The following PTPRK variants were observed in gnomAD, a reference collection of about 807,000 sequenced individuals.
The protein encoded by PTPRK is receptor-type tyrosine-protein phosphatase kappa.
In PTPRK, 75 loss-of-function variants were observed where a neutral mutation model predicts 178.0. The ratio of observed to expected loss-of-function variants is 0.42; its 90% CI spans 0.35 to 0.51. The LOEUF is 0.51. Ranked by LOEUF, PTPRK falls within the 20% of genes least tolerant of loss-of-function variation. The pLI, the probability that PTPRK is intolerant of heterozygous loss-of-function variation, is 0.02. For synonymous variants in PTPRK, 637 were observed against 620.6 expected (o/e 1.03, Z -0.39); for missense variants, 1,441 against 1,797.8 (o/e 0.80, Z 3.59).
At chr6:128,177,365 G>C (rs1801227216) in intron 7 of PTPRK, among the ~76,000 whole-genome samples, 1 of 151,726 alleles carries the variant, frequency 6.6e-6, no homozygotes, top group Non-Finnish European at 1.5e-5. Flanking sequence ...TCATGAGACT[G>C]ATGCTGTTAT....
chr6:128,077,922 A>G (rs941559289), intron 11 of PTPRK, among the ~76,000 whole-genome samples: 1 of 152,014 alleles, frequency 6.6e-6, no homozygotes, highest in African/African-American at 2.4e-5. Flanking sequence ...TTACTCTGGA[A>G]TACTTGATAA....
intron 1 of PTPRK, among the ~76,000 whole-genome samples, chr6:128,470,330 C>T (rs1328685402): frequency 1.3e-5 from 2 of 151,250 alleles, no homozygotes; most frequent in African/African-American, 4.9e-5. Flanking sequence ...GTTTTTGTGT[C>T]CTGAATGCTA....
intron 15 of PTPRK, among the ~76,000 whole-genome samples, chr6:128,000,958 G>A (rs1777767963): frequency 6.6e-6 from 1 of 151,998 alleles, no homozygotes; most frequent in Non-Finnish European, 1.5e-5. Flanking sequence ...AAAATAGACA[G>A]TGCCTTTTGT....
intron 7 of PTPRK, among the ~76,000 whole-genome samples, chr6:128,168,554 C>T (rs184105426): frequency 1.9e-4 from 29 of 152,094 alleles, no homozygotes; most frequent in African/African-American, 4.8e-4. Context: ...AATCACCACC[C>T]GAGCACCACC....
rs542477714 is a variant in PTPRK at position 128,454,416 on chromosome 6, G to A, written c.101-56728C>T. On this transcript the variant is annotated intron_variant, in intron 1 of 29. Coordinates refer to ENST00000368226, the MANE Select transcript of PTPRK (RefSeq NM_002844.4). ...ATAATGAAACATCTCAAATACACAG[G>A]CTTTAGGCCAGGCTAATGCTAACCA... 3.9e-5 allele frequency among the ~76,000 whole-genome samples: 6 copies of A among 152,190 alleles called. No individual in the cohort carries two copies. In the East Asian group the frequency reaches 1.2e-3, roughly 29 times the overall value.
intron 8 of PTPRK, among the ~76,000 whole-genome samples, chr6:128,088,893 T>A (rs1786424599): frequency 1.3e-5 from 2 of 152,346 alleles, no homozygotes; most frequent in South Asian, 4.1e-4. Flanking sequence ...GAACTGTTGC[T>A]TGCTTTTATA....
intron 7 of PTPRK, among the ~76,000 whole-genome samples, chr6:128,168,531 GAA>G (rs1799743445): frequency 6.6e-6 from 1 of 152,026 alleles, no homozygotes; most frequent in African/African-American, 2.4e-5. Context: ...GAGGTGAGCG[GAA>G]GGCAAGGGAG....
At chr6:128,333,571 C>T (rs913607001) in intron 2 of PTPRK, among the ~76,000 whole-genome samples, 1 of 151,910 alleles carries the variant, frequency 6.6e-6, no homozygotes, top group Non-Finnish European at 1.5e-5. Context: ...ATCATCTGAG[C>T]CTTCAGCAAG....
chr6:128,048,952 G>A (rs928032556), intron 13 of PTPRK, among the ~76,000 whole-genome samples: 2 of 151,500 alleles, frequency 1.3e-5, no homozygotes, highest in Non-Finnish European at 2.9e-5. Context: ...CTATCCCCAG[G>A]GCCTACAACA....
At chr6:128,049,774 G>A (rs1295263302) in intron 13 of PTPRK, among the ~76,000 whole-genome samples, 3 of 152,112 alleles carry the variant, frequency 2.0e-5, no homozygotes, top group African/African-American at 7.2e-5. Flanking sequence ...AAAATTCTTA[G>A]CTGCTAATTT....
chr6:128,306,849 C>T (rs2128314211), intron 3 of PTPRK, among the ~76,000 whole-genome samples: 1 of 152,068 alleles, frequency 6.6e-6, no homozygotes, highest in Admixed American at 6.6e-5. Context: ...AAAATTAATA[C>T]TAATATGGTG....
At chr6:128,046,436 T>G (rs1187360320) in intron 13 of PTPRK, among the ~76,000 whole-genome samples, 2 of 152,082 alleles carry the variant, frequency 1.3e-5, no homozygotes, top group Non-Finnish European at 2.9e-5. Context: ...TTCCCCAGGC[T>G]AATTCCATCC....
intron 7 of PTPRK, among the ~76,000 whole-genome samples, chr6:128,125,168 G>T (rs1050129118): frequency 6.6e-6 from 1 of 152,116 alleles, no homozygotes; most frequent in African/African-American, 2.4e-5. Context: ...TAATTCTTCA[G>T]ACTTGGTGAT....
At chr6:128,230,234 G>A (rs1009909839) in intron 5 of PTPRK, among the ~76,000 whole-genome samples, 5 of 152,152 alleles carry the variant, frequency 3.3e-5, no homozygotes, top group African/African-American at 1.2e-4. Context: ...AATGTGGACA[G>A]GGGAAGCTAG....
chr6:127,973,786 T>C lies in PTPRK; in HGVS notation c.4011A>G (p.Leu1337=). The C allele has an allele frequency of 6.2e-7, 1 of 1,614,082 alleles. No homozygotes were observed. Among genetic ancestry groups the C allele is most frequent in the Non-Finnish European group, 8.5e-7 (1 of 1,179,932 alleles). ...GYLMVQQFQY[L]GWASHREVPG... ...GCACTTCTCGATGAGAAGCCCATCCTAGGTACTGAAACTGTTGCACCATCA... is the reference window on the plus strand; with the variant it reads ...GCACTTCTCGATGAGAAGCCCATCCCAGGTACTGAAACTGTTGCACCATCA... The change falls in exon 28 of 30, where the codon CTA becomes CTG. Residue 1337 remains leucine, a synonymous_variant. Coordinates refer to ENST00000368226, the MANE Select transcript of PTPRK (RefSeq NM_002844.4).
At chr6:128,153,753 T>C (rs1354037472) in intron 7 of PTPRK, among the ~76,000 whole-genome samples, 1 of 151,952 alleles carries the variant, frequency 6.6e-6, no homozygotes, top group Non-Finnish European at 1.5e-5. Context: ...ACCTGCTAAA[T>C]AAAAACATGA....
chr6:128,103,580 C>A (rs974691826), intron 7 of PTPRK, among the ~76,000 whole-genome samples: 1 of 152,124 alleles, frequency 6.6e-6, no homozygotes, highest in Non-Finnish European at 1.5e-5. Context: ...AACAGGTGAG[C>A]CACACCCCTG....
In PTPRK at chr6:128,219,033, C is replaced by A; in HGVS notation, c.757G>T (p.Ala253Ser). Residue 253 changes from alanine to serine, a missense_variant, in exon 6 of 30, where the codon GCT becomes TCT. Around this residue, in one of 4 missense-constraint regions of PTPRK, gnomAD observed 945 missense variants for 1,080.6 expected, o/e 0.87. Coordinates refer to ENST00000368226, the MANE Select transcript of PTPRK (RefSeq NM_002844.4). ...TKNINHRRFA[A>S]SFRLQEVTKT... ...GTCACTTCTTGCAATCTGAAGGAAG[C>A]GGCAAACCTTCTATGATTGATGTTC... 1 of 1,613,736 alleles carries A rather than the reference C, an allele frequency of 6.2e-7. No individual in the cohort carries two copies. The highest frequency in any genetic ancestry group is 1.3e-5 in the African/African-American group (1 of 75,034).
At chr6:128,202,308 C>T (rs114738309) in intron 6 of PTPRK, among the ~76,000 whole-genome samples, 3,914 of 152,272 alleles carry the variant, frequency 0.026, 105 homozygotes, top group African/African-American at 0.07. Context: ...GGGGAAACCA[C>T]GCTTCTCCCG....
Sources: gnomAD v4.1 joint callset for allele counts (sites outside exome capture counted in the v4.1 genomes callset) on GRCh38, gnomAD v4.1.1 for gene constraint, gnomAD v4.1.1 regional missense constraint, MANE v1.5 for transcripts, NCBI Gene and HGNC (gene_info 2026-07-23, HGNC 2026-07-21) for gene names.